VPS8: variants seen among roughly 807,000 people sequenced by gnomAD.
VPS8 encodes the protein vacuolar protein sorting-associated protein 8 homolog.
VPS8 carries 129 observed loss-of-function variants against 216.4 expected under a neutral mutation model. The ratio of observed to expected loss-of-function variants is 0.60; its 90% CI spans 0.52 to 0.69. The LOEUF is 0.69. VPS8 is among the 30% of genes least tolerant of loss of function. VPS8 has a pLI of 0.00. For missense variants in VPS8, 1,531 were observed against 1,683.5 expected, an observed-to-expected ratio of 0.91 and a Z score of 1.59; for synonymous variants, 571 against 565.4, an observed-to-expected ratio of 1.01 and a Z score of -0.14.
At chr3:184,910,898 G>A (rs1233782606) in intron 25 of VPS8, among the ~76,000 whole-genome samples, 1 of 152,154 alleles carries the variant, frequency 6.6e-6, no homozygotes, top group Non-Finnish European at 1.5e-5. Flanking sequence ...GGTATCTTCA[G>A]GTAGTTACTT....
intron 3 of VPS8, among the ~76,000 whole-genome samples, chr3:184,831,973 A>G (rs746232060): frequency 2.0e-5 from 3 of 152,140 alleles, no homozygotes; most frequent in Admixed American, 6.5e-5. Context: ...TGCCTGCTAT[A>G]TATAGTATAC....
intron 46 of VPS8, among the ~76,000 whole-genome samples, chr3:185,033,744 A>C (rs1758499215): frequency 6.6e-6 from 1 of 152,210 alleles, no homozygotes; most frequent in East Asian, 1.9e-4. Flanking sequence ...AGCAGCAATG[A>C]ATGAGAGTTC....
At chr3:184,966,549 G>A (rs111796904) in intron 38 of VPS8, 122 bp from the exon 39 acceptor site, 6 of 536,170 alleles carry the variant, frequency 1.1e-5, no homozygotes, top group African/African-American at 3.8e-5. Flanking sequence ...GACACTAAAG[G>A]ACTGTTCTTA....
At chr3:184,998,319 G>A (rs1470413701) in intron 44 of VPS8, among the ~76,000 whole-genome samples, 6 of 152,150 alleles carry the variant, frequency 3.9e-5, no homozygotes, top group African/African-American at 1.4e-4. Context: ...GGCTGTTGTA[G>A]TAGCCCATGT....
intron 21 of VPS8, 76 bp from the exon 22 acceptor site, chr3:184,886,034 T>G (rs1370975677): frequency 1.1e-5 from 17 of 1,491,878 alleles, no homozygotes; most frequent in Non-Finnish European, 1.5e-5. Flanking sequence ...AAAAGCATCT[T>G]AAGCAGACCT....
Position 184,852,572 on chromosome 3 carries a change from G to C in VPS8, c.821+5G>C. ...TGTTTTTGAATTGACATTTAAGTAA[G>C]AGACTAGTGGACATTTGTTGACAAA... is the stretch of plus-strand genomic sequence containing the variant. On this transcript the variant is annotated splice_donor_5th_base_variant and intron_variant, in intron 11 of 47. Coordinates refer to ENST00000625842, the MANE Select transcript of VPS8 (RefSeq NM_001009921.3). 6.2e-7 allele frequency: 1 copy of C among 1,612,214 alleles called. No individual in the cohort carries two copies. The highest frequency in any genetic ancestry group is 1.7e-5 in the Admixed American group (1 of 59,724).
intron 22 of VPS8, among the ~76,000 whole-genome samples, chr3:184,892,299 C>G (rs898907594): frequency 1.4e-4 from 22 of 151,908 alleles, no homozygotes; most frequent in African/African-American, 5.1e-4. Context: ...TCACTGCAAC[C>G]TCTGTCTCCT....
intron 42 of VPS8, among the ~76,000 whole-genome samples, chr3:184,987,417 T>A (rs138300627): frequency 3.7e-4 from 1 of 2,732 alleles, no homozygotes; most frequent in Non-Finnish European, 0.029. Flanking sequence ...CCCACACTGA[T>A]TTTTTTTTTT....
intron 5 of VPS8, 176 bp downstream of exon 5, chr3:184,834,918 T>A: frequency 2.0e-6 from 1 of 494,506 alleles, no homozygotes; most frequent in Non-Finnish European, 3.5e-6. Context: ...CTACACGTCT[T>A]GACAGAAATT....
intron 36 of VPS8, among the ~76,000 whole-genome samples, chr3:184,941,170 G>A (rs981872888): frequency 2.0e-5 from 3 of 149,950 alleles, no homozygotes; most frequent in Admixed American, 6.7e-5. Flanking sequence ...GGTTATTTCC[G>A]TGTTCTGTGA....
Position 184,928,476 on chromosome 3 carries a change from G to C in VPS8, c.2657G>C (p.Gly886Ala). The stretch of plus-strand genomic sequence containing the variant: ...GTCCTTTTAGAATTGCTGCAGGCTG[G>C]AGGCATAGTTCAATTTGAAGAGAGT... ...QQVLLELLQA[G>A]GIVQFEESRL... The change falls in exon 32 of 48, where the codon GGA becomes GCA. Residue 886 changes from glycine to alanine, a missense_variant. This residue lies in a region of VPS8 where 1,318 missense variants were observed against 1,468.4 expected (regional missense o/e 0.90). Transcript: ENST00000625842. The C allele has an allele frequency of 6.5e-7, 1 of 1,534,636 alleles. No individual in the cohort carries two copies. Among genetic ancestry groups the C allele is most frequent in the Non-Finnish European group, 8.7e-7 (1 of 1,152,968 alleles).
rs781777735 is a variant in VPS8, at chr3:184,824,661, T to G, written c.29T>G (p.Val10Gly). MENEPDHEN[V>G]EQSLCAKTSE... ...GAAAATGAACCAGACCATGAAAATG[T>G]GGAACAGAGCCTCTGTGCCAAGACG... The change falls in exon 2 of 48, where the codon GTG becomes GGG. Residue 10 changes from valine to glycine, a missense_variant. Transcript: ENST00000625842. 3 of 1,613,910 alleles carry G rather than the reference T, an allele frequency of 1.9e-6. No individual in the cohort carries two copies. The highest frequency in any genetic ancestry group is 2.5e-6 in the Non-Finnish European group (3 of 1,179,844).
intron 34 of VPS8, 149 bp downstream of exon 34, chr3:184,930,717 T>A (rs548409470): frequency 7.2e-5 from 44 of 612,888 alleles, no homozygotes; most frequent in Admixed American, 7.1e-4. Flanking sequence ...TACCTCATAT[T>A]TGTATTCATA....
chr3:184,848,545 C>CTT (rs1011191262), intron 8 of VPS8, among the ~76,000 whole-genome samples: 1 of 111,316 alleles, frequency 9.0e-6, no homozygotes, highest in South Asian at 3.2e-4. Context: ...CCTTGTAGAT[C>CTT]TTTTTTTTTT....
intron 42 of VPS8, among the ~76,000 whole-genome samples, chr3:184,987,492 CT>C (rs1751294534): frequency 1.3e-5 from 2 of 152,066 alleles, no homozygotes; most frequent in Admixed American, 6.6e-5. Flanking sequence ...AGTGCGTAGT[CT>C]TTTCATATTG....
intron 7 of VPS8, among the ~76,000 whole-genome samples, chr3:184,841,073 T>C (rs926961394): frequency 1.3e-5 from 2 of 152,018 alleles, no homozygotes; most frequent in Non-Finnish European, 2.9e-5. Flanking sequence ...TAAATAAGAG[T>C]TTTATTGTTT....
intron 36 of VPS8, among the ~76,000 whole-genome samples, chr3:184,948,212 C>T (rs2109382116): frequency 8.5e-6 from 1 of 117,118 alleles, no homozygotes; most frequent in Middle Eastern, 3.9e-3. Context: ...AGTGATTGGC[C>T]ATATAGGCTC....
intron 42 of VPS8, among the ~76,000 whole-genome samples, chr3:184,991,663 A>G (rs188091244): frequency 6.6e-6 from 1 of 152,352 alleles, no homozygotes; most frequent in Admixed American, 6.5e-5. Flanking sequence ...AGATTTTTCT[A>G]ATAAGATATT....
chr3:184,877,148 C>G (rs1729417100), intron 21 of VPS8, among the ~76,000 whole-genome samples: 2 of 152,184 alleles, frequency 1.3e-5, no homozygotes, highest in African/African-American at 4.8e-5. Flanking sequence ...TTTCTCATTT[C>G]TTTGTAGCTC....
Sources: allele counts gnomAD v4.1 joint callset (sites outside exome capture counted in the v4.1 genomes callset), GRCh38; gene constraint gnomAD v4.1.1; regional missense constraint gnomAD v4.1.1; transcripts MANE v1.5; gene names NCBI Gene and HGNC (gene_info 2026-07-23, HGNC 2026-07-21).